Variants in EVA1A observed in about 807,000 individuals in gnomAD.
EVA1A encodes the protein protein eva-1 homolog A.
A neutral mutation model predicts 9.8 loss-of-function variants in EVA1A; 7 were observed. That is an observed-to-expected ratio of 0.71 (90% CI 0.41 to 1.34). The LOEUF (loss-of-function observed/expected upper bound fraction) is 1.34. EVA1A is among the 40% of genes most tolerant of loss of function. The pLI is 0.01. For missense variants in EVA1A, 206 were observed against 205.9 expected (o/e 1.00, Z 0.00); for synonymous variants, 90 against 85.6 (o/e 1.05, Z -0.28).
chr2:75,544,006 T>G (rs1172183017), intron 1 of EVA1A, among the ~76,000 whole-genome samples: 1 of 152,176 alleles, frequency 6.6e-6, no homozygotes, highest in Non-Finnish European at 1.5e-5. Context: ...CAGACAAGTG[T>G]GTGATACCAA....
At chr2:75,527,678 G>GA (rs1343053458) in intron 1 of EVA1A, among the ~76,000 whole-genome samples, 1 of 152,046 alleles carries the variant, frequency 6.6e-6, no homozygotes, top group Non-Finnish European at 1.5e-5. Context: ...AACAAATAAA[G>GA]AAATTAAAAG....
upstream of EVA1A, among the ~76,000 whole-genome samples, chr2:75,563,170 C>A (rs1228552407): frequency 6.6e-6 from 1 of 152,144 alleles, no homozygotes; most frequent in African/African-American, 2.4e-5. Context: ...ACTGTTGAAC[C>A]CCCTACACTT....
intron 1 of EVA1A, among the ~76,000 whole-genome samples, chr2:75,552,455 C>T (rs1471844978): frequency 6.6e-6 from 1 of 152,158 alleles, no homozygotes; most frequent in Non-Finnish European, 1.5e-5. Context: ...CCCTCCCTTA[C>T]TCCCCTGTTC....
intron 1 of EVA1A, among the ~76,000 whole-genome samples, chr2:75,552,858 A>G (rs1676572640): frequency 6.6e-6 from 1 of 152,216 alleles, no homozygotes; most frequent in South Asian, 2.1e-4. Context: ...CTAAACTGCA[A>G]TAACATGCTA....
At chr2:75,548,757 T>G (rs1292641596) in intron 1 of EVA1A, among the ~76,000 whole-genome samples, 3 of 151,956 alleles carry the variant, frequency 2.0e-5, no homozygotes, top group Admixed American at 6.6e-5. Flanking sequence ...TCTCATTCCC[T>G]CCTAGAGCAC....
intron 1 of EVA1A, among the ~76,000 whole-genome samples, chr2:75,537,175 A>T (rs1319218201): frequency 6.6e-6 from 1 of 152,240 alleles, no homozygotes; most frequent in Non-Finnish European, 1.5e-5. Flanking sequence ...TTCAAAAATC[A>T]ATTGATATAA....
intron 1 of EVA1A, among the ~76,000 whole-genome samples, chr2:75,546,145 T>C (rs1369625469): frequency 6.6e-6 from 1 of 152,080 alleles, no homozygotes; most frequent in Non-Finnish European, 1.5e-5. Context: ...GAGCTCAGAC[T>C]CTCTCCTAGC....
At chr2:75,567,988 C>T (rs779503240) in intron 1 of EVA1A, among the ~76,000 whole-genome samples, 11 of 152,222 alleles carry the variant, frequency 7.2e-5, no homozygotes, top group Non-Finnish European at 1.3e-4. Flanking sequence ...AATGTATTAA[C>T]AATACAATAC....
intron 1 of EVA1A, among the ~76,000 whole-genome samples, chr2:75,559,700 G>GA (rs1553422520): frequency 7.3e-6 from 1 of 137,182 alleles, no homozygotes; most frequent in African/African-American, 2.7e-5. Context: ...AAGGAGGTGG[G>GA]GGGGGGGCGG....
At chr2:75,505,256 G>A (rs1674574427) in intron 3 of EVA1A, among the ~76,000 whole-genome samples, 1 of 152,156 alleles carries the variant, frequency 6.6e-6, no homozygotes, top group East Asian at 1.9e-4. Flanking sequence ...TGATTAATTA[G>A]CCCCTCCAGT....
At chr2:75,517,510 A>G (rs892091405) in intron 3 of EVA1A, among the ~76,000 whole-genome samples, 2 of 152,236 alleles carry the variant, frequency 1.3e-5, no homozygotes, top group Non-Finnish European at 1.5e-5. Flanking sequence ...AAAATCAGCC[A>G]TCTTACTAAA....
intron 2 of EVA1A, among the ~76,000 whole-genome samples, chr2:75,519,565 G>A (rs957223534): frequency 6.6e-6 from 1 of 152,146 alleles, no homozygotes; most frequent in Non-Finnish European, 1.5e-5. Flanking sequence ...GAGCTCCAGG[G>A]ACTTTGAAAA....
rs1475214097 is a variant in EVA1A at position 75,536,167 on chromosome 2, G to A, written c.-191-13680C>T. Among the ~76,000 whole-genome samples, 8 of 151,908 alleles carry A rather than the reference G, an allele frequency of 5.3e-5. No homozygotes were observed. In the South Asian group the frequency reaches 1.0e-3, roughly 20 times the overall value. ...AGCCTGGGCAACATGGCAAAACCCC[G>A]TCTCTACAAAAAATACAAAAATTAG... On this transcript the variant is annotated intron_variant, in intron 1 of 3. Transcript: ENST00000393913.
At chr2:75,561,266 C>G (rs1572998321), upstream of EVA1A, 1 of 152,480 alleles carries the variant, frequency 6.6e-6, no homozygotes, top group Non-Finnish European at 1.5e-5. Context: ...CCTCCAAGCC[C>G]CTGCCAGCAT....
At chr2:75,501,164 A>G (rs1421485058) in intron 3 of EVA1A, among the ~76,000 whole-genome samples, 5 of 152,054 alleles carry the variant, frequency 3.3e-5, no homozygotes, top group Non-Finnish European at 7.4e-5. Context: ...TTGACCCACA[A>G]ACACACCCTC....
chr2:75,496,474 A>C lies in EVA1A; in HGVS notation c.86-2865T>G, dbSNP rs951882912. Among the ~76,000 whole-genome samples the C allele has an allele frequency of 7.2e-5, 11 of 152,220 alleles. 1 individual carries two copies. Among genetic ancestry groups the C allele is most frequent in the African/African-American group, 2.7e-4 (11 of 41,444 alleles). The stretch of plus-strand genomic sequence containing the variant: ...AAAATACCTAAAAAATAGCTACCCA[A>C]GGAGGTGAAGGATCTCTACAACAAG... On this transcript the variant is annotated intron_variant, in intron 3 of 3. Coordinates refer to ENST00000393913, the MANE Select transcript of EVA1A (RefSeq NM_001135032.2).
chr2:75,529,980 A>G (rs918277762), intron 1 of EVA1A, among the ~76,000 whole-genome samples: 2 of 152,248 alleles, frequency 1.3e-5, no homozygotes, highest in Non-Finnish European at 2.9e-5. Flanking sequence ...TGAAAAGATA[A>G]ACAAAATTGT....
intron 1 of EVA1A, among the ~76,000 whole-genome samples, chr2:75,554,971 G>T (rs1415264807): frequency 1.3e-5 from 2 of 152,168 alleles, no homozygotes; most frequent in Admixed American, 1.3e-4. Context: ...TGAGGTCCAG[G>T]AATGGGACTT....
intron 1 of EVA1A, among the ~76,000 whole-genome samples, chr2:75,525,481 A>T (rs528357404): frequency 6.6e-6 from 1 of 152,228 alleles, no homozygotes; most frequent in Non-Finnish European, 1.5e-5. Context: ...ATAGTGAAAC[A>T]ATCAGCTTTG....
Sources: allele counts gnomAD v4.1 joint callset (sites outside exome capture counted in the v4.1 genomes callset), GRCh38; gene constraint gnomAD v4.1.1; transcripts MANE v1.5; gene names NCBI Gene and HGNC (gene_info 2026-07-23, HGNC 2026-07-21).